AKAP10: variants seen among roughly 807,000 people sequenced by gnomAD.
AKAP10 encodes the protein A-kinase anchor protein 10, mitochondrial.
In AKAP10, 24 loss-of-function variants were observed where a neutral mutation model predicts 80.8. That is an observed-to-expected ratio of 0.30 (90% CI 0.22 to 0.42). The LOEUF (loss-of-function observed/expected upper bound fraction) is 0.42, where lower values mean the gene tolerates loss of function less well. Among genes scored for constraint, AKAP10 ranks in the 10% least tolerant of loss-of-function variants. The pLI is 1.00. For missense variants in AKAP10, 661 were observed against 794.9 expected (o/e 0.83, Z 2.03); for synonymous variants, 291 against 277.7 (o/e 1.05, Z -0.48).
At chr17:19,975,886 C>T (rs945214212) in intron 1 of AKAP10, among the ~76,000 whole-genome samples, 1 of 152,196 alleles carries the variant, frequency 6.6e-6, no homozygotes. Context: ...TTAACCACTT[C>T]AATACCAATA....
chr17:19,906,017 C>T lies in AKAP10; in HGVS notation c.*210G>A, dbSNP rs529782783. On this transcript the variant is annotated 3_prime_UTR_variant, in exon 15 of 15. Coordinates refer to ENST00000225737, the MANE Select transcript of AKAP10 (RefSeq NM_007202.4). Reference sequence around the variant, plus strand: ...AATACCATTTTGTATCTTTAAGACTCTCACTGTGTGAACATCATGTGCATC... The same window carrying T: ...AATACCATTTTGTATCTTTAAGACTTTCACTGTGTGAACATCATGTGCATC... The T allele has an allele frequency of 2.3e-4, 132 of 564,378 alleles. 1 individual carries two copies. In the Middle Eastern group the frequency reaches 4.8e-3, roughly 21 times the overall value. 35.0% of individuals were successfully genotyped at this position (564,378 alleles called of 1,614,324 possible).
intron 12 of AKAP10, among the ~76,000 whole-genome samples, chr17:19,919,284 C>T (rs1000597571): frequency 2.0e-5 from 3 of 152,080 alleles, no homozygotes; most frequent in Non-Finnish European, 2.9e-5. Flanking sequence ...GCATAGTATC[C>T]ATGGTGTATA....
At position 19,909,211 on chromosome 17, in the gene AKAP10, C is replaced by T. The variant is rs868432707; in HGVS notation, c.1953G>A (p.Gln651=). The T allele has an allele frequency of 1.9e-6, 3 of 1,613,674 alleles. No individual in the cohort carries two copies. The highest frequency in any genetic ancestry group is 2.5e-6 in the Non-Finnish European group (3 of 1,179,914). ...TAGATTTCTCTAACGGTTGATCATA[C>T]TGAGCCTGCTGCATAATGTCACTGA... ...MIVSDIMQQA[Q]YDQPLEKSTK... Residue 651 remains glutamine, a synonymous_variant, in exon 14 of 15, where the codon CAG becomes CAA. Transcript: ENST00000225737.
At chr17:19,911,650 A>C (rs1014253531) in intron 12 of AKAP10, among the ~76,000 whole-genome samples, 1 of 151,646 alleles carries the variant, frequency 6.6e-6, no homozygotes, top group Non-Finnish European at 1.5e-5. Context: ...ACCAGCCACA[A>C]CATGGAGAAA....
At chr17:19,951,323 G>T (rs1222293927) in intron 4 of AKAP10, among the ~76,000 whole-genome samples, 1 of 151,852 alleles carries the variant, frequency 6.6e-6, no homozygotes, top group Non-Finnish European at 1.5e-5. Context: ...GAGGTGGGGG[G>T]CGCCTCTGCC....
At position 19,941,914 on chromosome 17, in the gene AKAP10, C is replaced by T; in HGVS notation, c.977-4G>A. The T allele has an allele frequency of 1.2e-6, 2 of 1,607,518 alleles. No individual in the cohort carries two copies. Among genetic ancestry groups the T allele is most frequent in the Non-Finnish European group, 1.7e-6 (2 of 1,177,064 alleles). On this transcript the variant is annotated splice_polypyrimidine_tract_variant and splice_region_variant and intron_variant, in intron 5 of 14. Transcript: ENST00000225737. ...CCATCTTCTCCACAAATCCTTGCTG[C>T]AAAAGAAGTTGTAAATAATTAAATT...
intron 3 of AKAP10, among the ~76,000 whole-genome samples, chr17:19,960,717 G>A (rs963276112): frequency 6.6e-6 from 1 of 152,140 alleles, no homozygotes; most frequent in Admixed American, 6.5e-5. Flanking sequence ...TATGGTAATT[G>A]CATGTTTCAC....
intron 4 of AKAP10, among the ~76,000 whole-genome samples, chr17:19,947,775 C>T (rs966411689): frequency 1.3e-5 from 2 of 152,106 alleles, no homozygotes; most frequent in South Asian, 2.1e-4. Flanking sequence ...CCTGTTATAA[C>T]GTATCTGAAC....
chr17:19,933,603 A>G (rs1438968321), intron 9 of AKAP10, among the ~76,000 whole-genome samples: 3 of 152,168 alleles, frequency 2.0e-5, no homozygotes, highest in Non-Finnish European at 4.4e-5. Flanking sequence ...ACAGATCTGA[A>G]CTTTTCCTTT....
intron 9 of AKAP10, among the ~76,000 whole-genome samples, chr17:19,934,173 G>A (rs1597501610): frequency 6.6e-6 from 1 of 152,034 alleles, no homozygotes; most frequent in Middle Eastern, 3.4e-3. Flanking sequence ...CACCCACCTC[G>A]GCCTCCCAAA....
intron 10 of AKAP10, among the ~76,000 whole-genome samples, chr17:19,927,907 T>C (rs1461966968): frequency 1.4e-5 from 2 of 140,782 alleles, no homozygotes; most frequent in African/African-American, 5.4e-5. Context: ...CAAGACTCCT[T>C]CTCAAAAAAA....
At chr17:19,926,060 C>A (rs1000898222) in intron 10 of AKAP10, among the ~76,000 whole-genome samples, 3 of 152,068 alleles carry the variant, frequency 2.0e-5, no homozygotes, top group Non-Finnish European at 4.4e-5. Flanking sequence ...CGTTCAGATA[C>A]AAAATCTTCA....
At chr17:19,959,587 CTT>C (rs1187491941) in intron 3 of AKAP10, among the ~76,000 whole-genome samples, 2 of 152,044 alleles carry the variant, frequency 1.3e-5, no homozygotes, top group East Asian at 1.9e-4. Context: ...TGAAACTAAA[CTT>C]AATAAAAAAT....
At chr17:19,932,898 ATT>A (rs1258258904) in intron 9 of AKAP10, among the ~76,000 whole-genome samples, 2 of 151,920 alleles carry the variant, frequency 1.3e-5, no homozygotes, top group African/African-American at 4.8e-5. Flanking sequence ...CATGTTTATT[ATT>A]TATATTTCTA....
intron 4 of AKAP10, among the ~76,000 whole-genome samples, chr17:19,954,038 C>T (rs1454157696): frequency 6.6e-6 from 1 of 151,388 alleles, no homozygotes; most frequent in African/African-American, 2.4e-5. Context: ...GTCTCACACA[C>T]AAAAAACAAA....
At chr17:19,959,938 T>G (rs542063637) in intron 3 of AKAP10, among the ~76,000 whole-genome samples, 1 of 152,288 alleles carries the variant, frequency 6.6e-6, no homozygotes, top group African/African-American at 2.4e-5. Flanking sequence ...TAGATTCACA[T>G]GAAGTTCTAA....
At chr17:19,908,012 G>A (rs945417845) in intron 14 of AKAP10, among the ~76,000 whole-genome samples, 1 of 151,564 alleles carries the variant, frequency 6.6e-6, no homozygotes, top group African/African-American at 2.4e-5. Context: ...CACAGGTGCC[G>A]GCCACCATGC....
chr17:19,923,116 C>T (rs1026921887), intron 11 of AKAP10, among the ~76,000 whole-genome samples: 3 of 151,998 alleles, frequency 2.0e-5, no homozygotes, highest in Non-Finnish European at 4.4e-5. Flanking sequence ...CTTACTCTGT[C>T]GCGCAGGCTG....
Position 19,970,064 on chromosome 17 carries a change from C to T in AKAP10, c.89-1603G>A, listed in dbSNP as rs181880732. ...CGCTGTTACTCCTAAATTTATATCT[C>T]CATCCTAAATCTTTTATCTCAAATT... On this transcript the variant is annotated intron_variant, in intron 1 of 14. Transcript: ENST00000225737. Among the ~76,000 whole-genome samples, 579 of 152,278 alleles carry T rather than the reference C, an allele frequency of 3.8e-3. 2 individuals are homozygous for T. Among genetic ancestry groups the T allele is most frequent in the African/African-American group, 0.013 (521 of 41,544 alleles).
Sources: allele counts gnomAD v4.1 joint callset (sites outside exome capture counted in the v4.1 genomes callset), GRCh38; gene constraint gnomAD v4.1.1; transcripts MANE v1.5; gene names NCBI Gene and HGNC (gene_info 2026-07-23, HGNC 2026-07-21).